Variants in NOS1 observed in about 807,000 individuals in gnomAD.
NOS1 encodes the protein NOS type I.
Under a neutral mutation model 164.5 loss-of-function variants are expected in NOS1, and 51 were observed. The observed-to-expected ratio is 0.31, with a 90% CI of 0.25 to 0.39. NOS1 has a LOEUF of 0.39. Ranked by LOEUF, NOS1 falls within the 10% of genes least tolerant of loss-of-function variation. NOS1 has a pLI of 1.00. For synonymous variants in NOS1, 719 were observed against 745.8 expected (o/e 0.96, Z 0.59); for missense variants, 1,362 against 1,885.6 (o/e 0.72, Z 5.14).
chr12:117,226,746 C>G lies in NOS1; in HGVS notation c.3641G>C (p.Gly1214Ala). ...CCGGTTGAGCCAGGAGGAGCATACG[C>G]CGTGGTGAATTGGTCCTTCTCCATC... ...TRDGEGPIHH[G>A]VCSSWLNRIQ... The change falls in exon 24 of 29, where the codon GGC (glycine) becomes GCC (alanine). Residue 1214 changes from glycine (G) to alanine (A), a missense_variant. Physicochemically the swap from Gly to Ala is moderately conservative, Grantham distance 60. Coordinates refer to ENST00000317775, the MANE Select transcript of NOS1 (RefSeq NM_000620.5). 1 of 1,614,028 alleles carries G rather than the reference C, an allele frequency of 6.2e-7. No individual in the cohort carries two copies. Among genetic ancestry groups the G allele is most frequent in the Non-Finnish European group, 8.5e-7 (1 of 1,179,946 alleles).
At chr12:117,235,249 A>G (rs1256224884) in intron 20 of NOS1, among the ~76,000 whole-genome samples, 1 of 152,136 alleles carries the variant, frequency 6.6e-6, no homozygotes, top group Non-Finnish European at 1.5e-5. Flanking sequence ...TATCAAGGTC[A>G]CCAGTGAACT....
intron 9 of NOS1, among the ~76,000 whole-genome samples, chr12:117,276,254 C>T (rs543874049): frequency 6.6e-6 from 1 of 152,226 alleles, no homozygotes; most frequent in South Asian, 2.1e-4. Flanking sequence ...CCCTGTTGTG[C>T]TATCAAATAA....
chr12:117,241,051 T>C (rs557378513), intron 20 of NOS1, among the ~76,000 whole-genome samples: 1 of 151,712 alleles, frequency 6.6e-6, no homozygotes, highest in South Asian at 2.1e-4. Flanking sequence ...GCGATTCGCC[T>C]GCCTCAGCCT....
At chr12:117,358,475 C>T (rs1876961648) in intron 1 of NOS1, among the ~76,000 whole-genome samples, 2 of 152,144 alleles carry the variant, frequency 1.3e-5, no homozygotes. Flanking sequence ...CACTATTGGC[C>T]CCAAATGGCT....
chr12:117,305,270 T>G (rs548321108), intron 3 of NOS1, among the ~76,000 whole-genome samples: 1 of 152,078 alleles, frequency 6.6e-6, no homozygotes, highest in South Asian at 2.1e-4. Context: ...AGACCATCCT[T>G]GCTAACACGG....
At chr12:117,235,217 C>T (rs1473218495) in intron 20 of NOS1, among the ~76,000 whole-genome samples, 1 of 152,164 alleles carries the variant, frequency 6.6e-6, no homozygotes, top group Non-Finnish European at 1.5e-5. Context: ...AATGCTCAGC[C>T]ATCATTCTAC....
chr12:117,318,524 T>C (rs1170686803), intron 2 of NOS1, among the ~76,000 whole-genome samples: 1 of 152,220 alleles, frequency 6.6e-6, no homozygotes, highest in Non-Finnish European at 1.5e-5. Flanking sequence ...AAGCCAAAAG[T>C]TGCTCTTGCA....
At chr12:117,269,029 T>C (rs1194235834) in intron 10 of NOS1, among the ~76,000 whole-genome samples, 3 of 152,158 alleles carry the variant, frequency 2.0e-5, no homozygotes, top group Non-Finnish European at 4.4e-5. Context: ...TAATTACTAA[T>C]CTTGTGTTCT....
In NOS1 at chr12:117,242,679, C is replaced by T; in HGVS notation, c.2989G>A (p.Val997Ile). ...CGGCTAAGGAGCCGGGCAGCTGAGA[C>T]TCGCTTTTTGTGGACATTGGATAGA... Reference protein sequence around the residue: ...QGLSNVHKKRVSAARLLSRQN... With the variant: ...QGLSNVHKKRISAARLLSRQN... The change falls in exon 20 of 29, where the codon GTC becomes ATC. Residue 997 changes from valine (V) to isoleucine (I), a missense_variant. Physicochemically the swap from Val to Ile is conservative, Grantham distance 29. Transcript: ENST00000317775. The T allele has an allele frequency of 6.2e-7, 1 of 1,614,128 alleles. No homozygotes were observed. The highest frequency in any genetic ancestry group is 8.5e-7 in the Non-Finnish European group (1 of 1,180,018).
rs754292562 is a variant in NOS1 at position 117,249,291 on chromosome 12, CT to C, written c.2649-1770del. 2.6e-5 allele frequency among the ~76,000 whole-genome samples: 4 copies of C among 152,130 alleles called. No homozygotes were observed. The South Asian group carries it at 8.3e-4, about 32-fold the overall frequency. Reference sequence around the variant, plus strand: ...AACCTAAGGGCTCTCAAGGGTTTCTCTTCGTTTCTTTTGGTCTCTTCTAAGT... The same window carrying C: ...AACCTAAGGGCTCTCAAGGGTTTCTCTCGTTTCTTTTGGTCTCTTCTAAGT... On this transcript the variant is annotated intron_variant, in intron 17 of 28. Transcript: ENST00000317775.
Position 117,212,582 on chromosome 12 carries a change from C to T in NOS1, c.*2727G>A. On this transcript the variant is annotated 3_prime_UTR_variant, in exon 29 of 29. Coordinates refer to ENST00000317775, the MANE Select transcript of NOS1 (RefSeq NM_000620.5). ...TCAGGAGACGTCTCATTCCTCCTGG[C>T]CAAACTCACTTTTGTGAAATGGGGC... 2 of 985,428 alleles carry T rather than the reference C, an allele frequency of 2.0e-6. No homozygotes were observed. The highest frequency in any genetic ancestry group is 2.4e-6 in the Non-Finnish European group (2 of 829,950). 61.0% of individuals were successfully genotyped at this position (985,428 alleles called of 1,614,324 possible).
intron 11 of NOS1, among the ~76,000 whole-genome samples, chr12:117,266,283 C>G (rs1034592467): frequency 6.6e-6 from 1 of 152,066 alleles, no homozygotes; most frequent in Non-Finnish European, 1.5e-5. Flanking sequence ...CCCGAGTCCC[C>G]AAAGTCCACT....
In NOS1 at chr12:117,232,350, GA is replaced by G. The variant is rs1349434194; in HGVS notation, c.3236-220del. ...TTAGGCAAATGAATCCAAAAATTAA[GA>G]AAAATACATGAAGAGAGGAGAAAAA... is the stretch of plus-strand genomic sequence containing the variant. On this transcript the variant is annotated intron_variant, in intron 21 of 28. Transcript: ENST00000317775. Among the ~76,000 whole-genome samples, 51 of 152,156 alleles carry G rather than the reference GA, an allele frequency of 3.4e-4. 1 individual carries two copies. Among genetic ancestry groups the G allele is most frequent in the Middle Eastern group, 6.8e-3 (2 of 294 alleles).
chr12:117,222,546 A>G (rs1247745927), intron 26 of NOS1, among the ~76,000 whole-genome samples, 169 bp downstream of exon 26: 2 of 152,164 alleles, frequency 1.3e-5, no homozygotes, highest in Non-Finnish European at 2.9e-5. Context: ...TCGGCCTGTT[A>G]AATATTTTAC....
intron 8 of NOS1, among the ~76,000 whole-genome samples, chr12:117,278,689 A>C (rs1253266967): frequency 6.6e-6 from 1 of 151,782 alleles, no homozygotes; most frequent in African/African-American, 2.4e-5. Flanking sequence ...AGAAAAAAAA[A>C]ACAACTGGTG....
intron 14 of NOS1, 132 bp downstream of exon 14, chr12:117,260,333 T>G: frequency 1.3e-4 from 120 of 892,820 alleles, no homozygotes; most frequent in Middle Eastern, 3.5e-4. Flanking sequence ...AATGTGTATG[T>G]GAGCTGATAG....
At chr12:117,303,463 G>A (rs572010348) in intron 3 of NOS1, among the ~76,000 whole-genome samples, 1 of 152,226 alleles carries the variant, frequency 6.6e-6, no homozygotes, top group Non-Finnish European at 1.5e-5. Context: ...GGCTGAGCTT[G>A]GGGAGTGGGA....
chr12:117,231,341 T>G (rs1473801867), intron 22 of NOS1, among the ~76,000 whole-genome samples: 1 of 150,692 alleles, frequency 6.6e-6, no homozygotes, highest in East Asian at 2.0e-4. Flanking sequence ...AAGAATAAGA[T>G]CTAGTATTTC....
Position 117,315,099 on chromosome 12 carries a change from C to CT in NOS1, c.726-3508dup, listed in dbSNP as rs111975344. ...AGAGAGAGTTTCTTTTACCATCATT[C>CT]TTTTTTTAAAAAAAATCCATTAAGA... On this transcript the variant is annotated intron_variant, in intron 2 of 28. Transcript: ENST00000317775. Among the ~76,000 whole-genome samples, 303 of 152,166 alleles carry CT rather than the reference C, an allele frequency of 2.0e-3. 4 individuals are homozygous for CT. The highest frequency in any genetic ancestry group is 6.5e-3 in the African/African-American group (270 of 41,530).
Sources: allele counts gnomAD v4.1 joint callset (sites outside exome capture counted in the v4.1 genomes callset), GRCh38; gene constraint gnomAD v4.1.1; transcripts MANE v1.5; gene names NCBI Gene and HGNC (gene_info 2026-07-23, HGNC 2026-07-21).